The following CHSY3 variants were observed in gnomAD, a reference collection of about 807,000 sequenced individuals.
The protein encoded by CHSY3 is chondroitin sulfate synthase 3, also known as N-acetylgalactosaminyl-proteoglycan 3-beta-glucuronosyltransferase 3.
In CHSY3, 35 loss-of-function variants were observed where a neutral mutation model predicts 67.2. That is an observed-to-expected ratio of 0.52 (90% CI 0.40 to 0.69). The LOEUF (loss-of-function observed/expected upper bound fraction) is 0.69, where lower values mean the gene tolerates loss of function less well. Ranked by LOEUF, CHSY3 falls within the 30% of genes least tolerant of loss-of-function variation. CHSY3 has a pLI of 0.00. For synonymous variants in CHSY3, 474 were observed against 434.7 expected, an observed-to-expected ratio of 1.09 and a Z score of -1.12; for missense variants, 1,069 against 1,138.5, an observed-to-expected ratio of 0.94 and a Z score of 0.88.
intron 2 of CHSY3, among the ~76,000 whole-genome samples, chr5:129,975,755 T>G (rs979897967): frequency 6.6e-6 from 1 of 152,104 alleles, no homozygotes; most frequent in Non-Finnish European, 1.5e-5. Flanking sequence ...GAATTTCTGT[T>G]TGGTGATGAT....
Position 130,019,812 on chromosome 5 carries a change from G to A in CHSY3, c.1086+111452G>A, listed in dbSNP as rs533615076. Among the ~76,000 whole-genome samples the A allele has an allele frequency of 4.6e-5, 7 of 152,278 alleles. No individual in the cohort carries two copies. In the South Asian group the frequency reaches 1.2e-3, roughly 27 times the overall value. ...CTCTCATGTCACTAACGCTATGAGA[G>A]GCCCTTTTACTTTTCACAAAACTAT... On this transcript the variant is annotated intron_variant, in intron 2 of 2. Coordinates refer to ENST00000305031, the MANE Select transcript of CHSY3 (RefSeq NM_175856.5).
At chr5:130,129,223 A>G (rs993628527) in intron 2 of CHSY3, among the ~76,000 whole-genome samples, 2 of 152,148 alleles carry the variant, frequency 1.3e-5, no homozygotes, top group Non-Finnish European at 2.9e-5. Flanking sequence ...TTTAGCTTAG[A>G]TGGAAGGTCT....
chr5:130,011,963 G>T (rs1025357429), intron 2 of CHSY3, among the ~76,000 whole-genome samples: 1 of 152,124 alleles, frequency 6.6e-6, no homozygotes, highest in Non-Finnish European at 1.5e-5. Context: ...AATCAGAAAT[G>T]ACACAAATAA....
At chr5:130,181,279 TA>T (rs1770234810) in intron 2 of CHSY3, among the ~76,000 whole-genome samples, 1 of 152,254 alleles carries the variant, frequency 6.6e-6, no homozygotes, top group South Asian at 2.1e-4. Flanking sequence ...CAAATTAATA[TA>T]ATTTTTAAAA....
chr5:129,910,461 G>A (rs190775966), intron 2 of CHSY3, among the ~76,000 whole-genome samples: 1 of 151,898 alleles, frequency 6.6e-6, no homozygotes, highest in Non-Finnish European at 1.5e-5. Flanking sequence ...CATTAAAGGA[G>A]CTATTTAAAC....
chr5:130,183,244 T>A (rs1212037446), intron 2 of CHSY3, among the ~76,000 whole-genome samples: 1 of 151,946 alleles, frequency 6.6e-6, no homozygotes. Flanking sequence ...TAACTACATA[T>A]TTTTTTTCAT....
chr5:129,968,717 G>A (rs73241782), intron 2 of CHSY3, among the ~76,000 whole-genome samples: 2,695 of 151,898 alleles, frequency 0.018, 68 homozygotes, highest in African/African-American at 0.061. Context: ...TAAATGGTAA[G>A]CATACTGTTA....
intron 2 of CHSY3, among the ~76,000 whole-genome samples, chr5:130,181,809 C>T (rs1339480465): frequency 3.9e-5 from 6 of 152,058 alleles, no homozygotes; most frequent in South Asian, 2.1e-4. Context: ...TGGCTTCTTT[C>T]ATTTTTTGTG....
At chr5:130,035,650 A>G (rs1675385503) in intron 2 of CHSY3, among the ~76,000 whole-genome samples, 1 of 152,138 alleles carries the variant, frequency 6.6e-6, no homozygotes, top group South Asian at 2.1e-4. Context: ...AAAAATTACC[A>G]TGTGAAGGGT....
intron 2 of CHSY3, among the ~76,000 whole-genome samples, chr5:130,054,725 G>A (rs1295665212): frequency 1.3e-5 from 2 of 152,154 alleles, no homozygotes; most frequent in East Asian, 3.9e-4. Context: ...AATGTTATGA[G>A]AATAATGAAG....
At chr5:129,949,386 T>A (rs992889454) in intron 2 of CHSY3, among the ~76,000 whole-genome samples, 1 of 151,972 alleles carries the variant, frequency 6.6e-6, no homozygotes, top group Non-Finnish European at 1.5e-5. Flanking sequence ...CAACTTACAA[T>A]GACCAAATCA....
At chr5:129,913,625 A>T (rs1439190996) in intron 2 of CHSY3, among the ~76,000 whole-genome samples, 1 of 152,116 alleles carries the variant, frequency 6.6e-6, no homozygotes, top group Non-Finnish European at 1.5e-5. Flanking sequence ...AATTCTGATT[A>T]TTGTTCTTCT....
intron 2 of CHSY3, among the ~76,000 whole-genome samples, chr5:130,101,589 G>A (rs1345926151): frequency 6.6e-6 from 1 of 152,068 alleles, no homozygotes; most frequent in Admixed American, 6.6e-5. Flanking sequence ...TTTTTGAGGT[G>A]AGAACACTTA....
intron 2 of CHSY3, among the ~76,000 whole-genome samples, chr5:130,147,253 T>C (rs1262335398): frequency 6.6e-6 from 1 of 152,206 alleles, no homozygotes; most frequent in Non-Finnish European, 1.5e-5. Flanking sequence ...AGCCATGATA[T>C]CATTCTTCAT....
intron 2 of CHSY3, among the ~76,000 whole-genome samples, chr5:129,958,346 G>A (rs926055345): frequency 3.9e-5 from 6 of 152,032 alleles, no homozygotes; most frequent in Non-Finnish European, 5.9e-5. Context: ...GATTCCAGCT[G>A]GGCCTTTCTT....
At chr5:130,042,911 A>G (rs545563880) in intron 2 of CHSY3, among the ~76,000 whole-genome samples, 6 of 152,254 alleles carry the variant, frequency 3.9e-5, no homozygotes, top group African/African-American at 1.4e-4. Context: ...GTTCTTCAGT[A>G]GGGTCATGAT....
At chr5:129,935,889 A>G (rs77999995) in intron 2 of CHSY3, among the ~76,000 whole-genome samples, 2,293 of 152,246 alleles carry the variant, frequency 0.015, 49 homozygotes, top group African/African-American at 0.051. Context: ...TTTTAAATCA[A>G]ATTTCTGCAG....
intron 2 of CHSY3, among the ~76,000 whole-genome samples, chr5:130,077,827 A>T (rs1766321440): frequency 6.6e-6 from 1 of 151,952 alleles, no homozygotes; most frequent in Non-Finnish European, 1.5e-5. Context: ...ATATATATAC[A>T]CACATACATT....
At chr5:129,935,469 G>T (rs916417266) in intron 2 of CHSY3, among the ~76,000 whole-genome samples, 1 of 152,134 alleles carries the variant, frequency 6.6e-6, no homozygotes, top group Non-Finnish European at 1.5e-5. Flanking sequence ...TAGAAAGGTT[G>T]GTTCTTGACA....
Sources: gnomAD v4.1 joint callset for allele counts (sites outside exome capture counted in the v4.1 genomes callset) on GRCh38, gnomAD v4.1.1 for gene constraint, MANE v1.5 for transcripts, NCBI Gene and HGNC (gene_info 2026-07-23, HGNC 2026-07-21) for gene names.